GRID2: variants seen among roughly 807,000 people sequenced by gnomAD.
GRID2 encodes glutamate receptor ionotropic, delta-2.
GRID2 carries 33 observed loss-of-function variants against 114.8 expected under a neutral mutation model. The ratio of observed to expected loss-of-function variants is 0.29; its 90% CI spans 0.22 to 0.38. GRID2 has a LOEUF of 0.38. Ranked by LOEUF, GRID2 falls within the 10% of genes least tolerant of loss-of-function variation. The probability of loss-of-function intolerance (pLI) is 1.00; values close to 1 mark genes in which losing one functional copy is unlikely to be tolerated. For synonymous variants in GRID2, 505 were observed against 449.9 expected (o/e 1.12, Z -1.55); for missense variants, 1,184 against 1,257.7 (o/e 0.94, Z 0.89).
chr4:92,544,058 A>G (rs915031789), intron 1 of GRID2, among the ~76,000 whole-genome samples: 4 of 152,100 alleles, frequency 2.6e-5, no homozygotes, highest in African/African-American at 9.7e-5. Context: ...TCCTGAGAGC[A>G]GACATGTTGC....
rs772557786 is a variant in GRID2 at position 92,701,621 on chromosome 4, G to A, written c.244+111335G>A. Among the ~76,000 whole-genome samples the A allele has an allele frequency of 5.3e-5, 8 of 151,882 alleles. 1 individual carries two copies. Among genetic ancestry groups the A allele is most frequent in the South Asian group, 4.2e-4 (2 of 4,798 alleles). ...GATGTGTGATGTTAACATTTCCACC[G>A]ACAAATGAAACAAGTTTGTCAATAA... is the stretch of plus-strand genomic sequence containing the variant. On this transcript the variant is annotated intron_variant, in intron 2 of 15. Transcript: ENST00000282020.
At chr4:92,558,706 G>T (rs1726979537) in intron 1 of GRID2, among the ~76,000 whole-genome samples, 2 of 152,020 alleles carry the variant, frequency 1.3e-5, no homozygotes, top group South Asian at 4.1e-4. Context: ...GACAGTTAGG[G>T]TTATCTATCT....
chr4:93,095,668 T>C (rs1389991218), intron 3 of GRID2, among the ~76,000 whole-genome samples: 1 of 151,978 alleles, frequency 6.6e-6, no homozygotes, highest in African/African-American at 2.4e-5. Context: ...TAAAACATAA[T>C]ATCAAATACC....
intron 14 of GRID2, among the ~76,000 whole-genome samples, chr4:93,735,487 A>G (rs1412949582): frequency 2.0e-5 from 3 of 151,850 alleles, no homozygotes; most frequent in Non-Finnish European, 4.4e-5. Context: ...AAGTTCTTTC[A>G]TTTTCTATCT....
chr4:92,596,364 T>C (rs1014623699), intron 2 of GRID2, among the ~76,000 whole-genome samples: 7 of 152,210 alleles, frequency 4.6e-5, no homozygotes, highest in Admixed American at 2.0e-4. Flanking sequence ...CTCTGGACCA[T>C]CTACATGTGT....
At chr4:92,473,032 TAAGTTTA>T in intron 1 of GRID2, among the ~76,000 whole-genome samples, 1 of 152,222 alleles carries the variant, frequency 6.6e-6, no homozygotes, top group South Asian at 2.1e-4. Flanking sequence ...TTCATAGTTT[TAAGTTTA>T]ATGTTTAGCT....
At chr4:92,478,770 G>A (rs538899974) in intron 1 of GRID2, among the ~76,000 whole-genome samples, 2 of 151,798 alleles carry the variant, frequency 1.3e-5, no homozygotes, top group South Asian at 4.2e-4. Context: ...TTCTGCAGAC[G>A]TTCTCTTCCT....
Position 93,610,913 on chromosome 4 carries a change from G to A in GRID2, c.2194-15356G>A, listed in dbSNP as rs1370727929. Among the ~76,000 whole-genome samples the A allele has an allele frequency of 6.4e-5, 9 of 140,544 alleles. 1 individual carries two copies. Among genetic ancestry groups the A allele is most frequent in the Non-Finnish European group, 9.1e-5 (6 of 65,682 alleles). The allele number at this position is 140,544 out of a possible 152,430, so 92.2% of individuals were successfully genotyped here. Reference sequence around the variant, plus strand: ...GGTACCAGTTCCTCCTTGTACTTCCGGTAGAATTTGGCTGTGAATCCATCT... The same window carrying A: ...GGTACCAGTTCCTCCTTGTACTTCCAGTAGAATTTGGCTGTGAATCCATCT... On this transcript the variant is annotated intron_variant, in intron 13 of 15. Transcript: ENST00000282020.
chr4:93,574,860 A>G (rs956593925), intron 13 of GRID2, among the ~76,000 whole-genome samples: 5 of 152,218 alleles, frequency 3.3e-5, no homozygotes, highest in African/African-American at 9.6e-5. Context: ...AGCTAACACA[A>G]TAAGGGTTAT....
chr4:92,456,948 C>T (rs554809764), intron 1 of GRID2, among the ~76,000 whole-genome samples: 1 of 152,110 alleles, frequency 6.6e-6, no homozygotes, highest in South Asian at 2.1e-4. Flanking sequence ...AAATATTTAT[C>T]TTTCTCTTTA....
intron 14 of GRID2, among the ~76,000 whole-genome samples, chr4:93,666,010 C>T (rs889082077): frequency 3.3e-5 from 5 of 152,200 alleles, no homozygotes; most frequent in African/African-American, 1.2e-4. Flanking sequence ...CACTTATATG[C>T]ATATCTTCAA....
intron 13 of GRID2, among the ~76,000 whole-genome samples, chr4:93,561,367 T>C (rs1170682213): frequency 6.6e-6 from 1 of 152,124 alleles, no homozygotes; most frequent in East Asian, 1.9e-4. Flanking sequence ...TATCATAATT[T>C]TAAAAGCTTT....
chr4:92,878,460 T>C (rs1745781373), intron 2 of GRID2, among the ~76,000 whole-genome samples: 1 of 152,166 alleles, frequency 6.6e-6, no homozygotes, highest in South Asian at 2.1e-4. Context: ...TATTTGTTGA[T>C]AAGTCTGGCT....
At chr4:92,810,328 A>G (rs1740610728) in intron 2 of GRID2, among the ~76,000 whole-genome samples, 1 of 151,430 alleles carries the variant, frequency 6.6e-6, no homozygotes. Flanking sequence ...AGATATTTTC[A>G]TTTTTGGGAA....
At chr4:93,103,645 G>A (rs1414547422) in intron 3 of GRID2, among the ~76,000 whole-genome samples, 1 of 151,962 alleles carries the variant, frequency 6.6e-6, no homozygotes, top group Non-Finnish European at 1.5e-5. Flanking sequence ...TTTAAGGGAG[G>A]CAAGCAGAGT....
chr4:93,729,742 A>G (rs1730307934), intron 14 of GRID2, among the ~76,000 whole-genome samples: 1 of 152,048 alleles, frequency 6.6e-6, no homozygotes, highest in Non-Finnish European at 1.5e-5. Context: ...GATGGAGTTT[A>G]TAGGCATGAG....
intron 1 of GRID2, among the ~76,000 whole-genome samples, chr4:92,450,826 AT>A (rs1169170718): frequency 2.0e-5 from 3 of 148,342 alleles, no homozygotes; most frequent in African/African-American, 7.3e-5. Context: ...ATTTAATTTA[AT>A]TTTTAAATAT....
chr4:93,805,444 T>G (rs1422893749), intron 1 of GRID2, among the ~76,000 whole-genome samples: 2 of 152,232 alleles, frequency 1.3e-5, no homozygotes, highest in Non-Finnish European at 2.9e-5. Context: ...TCTTTAGAGC[T>G]GATTTCTACA....
At chr4:92,933,563 A>G (rs918226253) in intron 2 of GRID2, among the ~76,000 whole-genome samples, 1 of 151,554 alleles carries the variant, frequency 6.6e-6, no homozygotes, top group Admixed American at 6.6e-5. Flanking sequence ...ATGATAAGCC[A>G]TGCCAGGAGA....
Sources: allele counts gnomAD v4.1 joint callset (sites outside exome capture counted in the v4.1 genomes callset), GRCh38; gene constraint gnomAD v4.1.1; transcripts MANE v1.5; gene names NCBI Gene and HGNC (gene_info 2026-07-23, HGNC 2026-07-21).